The following AFAP1 variants were observed in gnomAD, a reference collection of about 807,000 sequenced individuals.
AFAP1 encodes actin filament-associated protein 1.
AFAP1 carries 75 observed loss-of-function variants against 93.9 expected under a neutral mutation model. The ratio of observed to expected loss-of-function variants is 0.80; its 90% CI spans 0.66 to 0.97. The LOEUF (loss-of-function observed/expected upper bound fraction) is 0.97. Ranked by LOEUF, AFAP1 falls within the 50% of genes least tolerant of loss-of-function variation. The pLI is 0.00. For synonymous variants in AFAP1, 517 were observed against 430.7 expected, an observed-to-expected ratio of 1.20 and a Z score of -2.48; for missense variants, 1,201 against 1,050.8, an observed-to-expected ratio of 1.14 and a Z score of -1.98.
At chr4:7,913,208 G>A (rs1389903455) in intron 1 of AFAP1, among the ~76,000 whole-genome samples, 2 of 152,220 alleles carry the variant, frequency 1.3e-5, no homozygotes, top group African/African-American at 2.4e-5. Context: ...GAGCAACACA[G>A]GGAGGCCCTG....
intron 1 of AFAP1, among the ~76,000 whole-genome samples, chr4:7,926,896 C>T (rs1005788805): frequency 3.9e-5 from 6 of 152,170 alleles, no homozygotes; most frequent in African/African-American, 1.4e-4. Context: ...CCACCATGCC[C>T]AGCTAATTTT....
chr4:7,809,653 C>T lies in AFAP1; in HGVS notation c.1015G>A (p.Glu339Lys). Reference sequence around the variant, plus strand: ...TCTTCCTCAGCTGAGGAGGTCTGCTCGTCTGTGGACGGCTTTTTCTTTCCC... The same window carrying T: ...TCTTCCTCAGCTGAGGAGGTCTGCTTGTCTGTGGACGGCTTTTTCTTTCCC... ...SLGKKKPSTD[E>K]QTSSAEEDVP... is the part of the protein sequence containing the mutation. Residue 339 changes from glutamate (E) to lysine (K), a missense_variant, in exon 9 of 18, where the codon GAG (glutamate) becomes AAG (lysine). Coordinates refer to ENST00000420658, the MANE Select transcript of AFAP1 (RefSeq NM_001134647.2). 3 of 1,613,996 alleles carry T rather than the reference C, an allele frequency of 1.9e-6. No homozygotes were observed. Among genetic ancestry groups the T allele is most frequent in the Non-Finnish European group, 2.5e-6 (3 of 1,179,988 alleles).
In AFAP1 at chr4:7,939,561, C is replaced by A. The variant is rs1403548367; in HGVS notation, c.-3+95G>T. On this transcript the variant is annotated intron_variant, in intron 1 of 17. Transcript: ENST00000420658. This position sits in a 1 kb window ranked among gnomAD's most constrained non-coding sequence, Gnocchi z 5.6. ...CCGAGACAAAGCCCAGGCGCACGGA[C>A]CCCGGACCCTGCGGAGCCCCGCTCG... The A allele has an allele frequency of 5.2e-6, 2 of 385,900 alleles. No homozygotes were observed. Among genetic ancestry groups the A allele is most frequent in the Admixed American group, 6.4e-5 (2 of 31,366 alleles). The allele number at this position is 385,900 out of a possible 1,614,324, so 23.9% of individuals were successfully genotyped here.
rs551237239 is a variant in AFAP1 at position 7,832,035 on chromosome 4, C to T, written c.726+6489G>A. Among the ~76,000 whole-genome samples the T allele has an allele frequency of 2.6e-5, 4 of 152,104 alleles. No homozygotes were observed. The South Asian group carries it at 6.2e-4, about 24-fold the overall frequency. On this transcript the variant is annotated intron_variant, in intron 6 of 17. Coordinates refer to ENST00000420658, the MANE Select transcript of AFAP1 (RefSeq NM_001134647.2). Reference sequence around the variant, plus strand: ...GCTATGGATCATGGTAGCACTTCGCCCACCTGAGACTCAGGCTGTCAGCTG... The same window carrying T: ...GCTATGGATCATGGTAGCACTTCGCTCACCTGAGACTCAGGCTGTCAGCTG...
At chr4:7,784,229 C>T (rs531127502) in intron 12 of AFAP1, among the ~76,000 whole-genome samples, 22 of 152,208 alleles carry the variant, frequency 1.4e-4, no homozygotes, top group African/African-American at 5.1e-4. Context: ...ACCTGATACC[C>T]CTCCGCCTAA....
chr4:7,872,029 T>C lies in AFAP1; in HGVS notation c.50A>G (p.His17Arg). Residue 17 changes from histidine to arginine, a missense_variant, in exon 2 of 18, where the codon CAT (histidine) becomes CGT (arginine). Transcript: ENST00000420658. ...ELRLFLELLDHEYLTSTVREK... is the reference protein window; with the variant it reads ...ELRLFLELLDREYLTSTVREK... ...CCTGACAGTTGAGGTTAGATATTCA[T>C]GGTCCAGGAGTTCAAGAAAGAGACG... 1 of 1,614,158 alleles carries C rather than the reference T, an allele frequency of 6.2e-7. No individual in the cohort carries two copies.
In AFAP1 at chr4:7,760,087, C is replaced by T. The variant is rs931346469; in HGVS notation, c.*3678G>A. Reference sequence around the variant, plus strand: ...CTCACAACCCTACACCTAACCCCAGCTTCGACGCTGCCCTTTGAGTCCCGT... The same window carrying T: ...CTCACAACCCTACACCTAACCCCAGTTTCGACGCTGCCCTTTGAGTCCCGT... On this transcript the variant is annotated 3_prime_UTR_variant, in exon 18 of 18. Coordinates refer to ENST00000420658, the MANE Select transcript of AFAP1 (RefSeq NM_001134647.2). 6.6e-6 allele frequency: 1 copy of T among 152,234 alleles called. No homozygotes were observed. The highest frequency in any genetic ancestry group is 1.5e-5 in the Non-Finnish European group (1 of 68,036). 9.4% of individuals were successfully genotyped at this position (152,234 alleles called of 1,614,324 possible). A position where few individuals can be genotyped will look rare whatever the true frequency, so the allele number is the denominator to read the frequency against.
Position 7,758,731 on chromosome 4 carries a change from T to C in AFAP1, c.*5034A>G, listed in dbSNP as rs1468082517. 6.6e-6 allele frequency: 1 copy of C among 152,202 alleles called. No individual in the cohort carries two copies. The highest frequency in any genetic ancestry group is 1.5e-5 in the Non-Finnish European group (1 of 68,056). The allele number at this position is 152,202 out of a possible 1,614,324, so 9.4% of individuals were successfully genotyped here. Reference sequence around the variant, plus strand: ...ACCGGGGCTGGGGGAGAGAAGTTTATTCATACACAAAGGGGCACGCCAAGG... The same window carrying C: ...ACCGGGGCTGGGGGAGAGAAGTTTACTCATACACAAAGGGGCACGCCAAGG... On this transcript the variant is annotated 3_prime_UTR_variant, in exon 18 of 18. Coordinates refer to ENST00000420658, the MANE Select transcript of AFAP1 (RefSeq NM_001134647.2).
chr4:7,904,851 G>C (rs1719314336), intron 1 of AFAP1, among the ~76,000 whole-genome samples: 1 of 152,074 alleles, frequency 6.6e-6, no homozygotes, highest in South Asian at 2.1e-4. Context: ...TTACAGGCAT[G>C]AGCCACCACA....
At chr4:7,839,214 T>C (rs932679759) in intron 5 of AFAP1, among the ~76,000 whole-genome samples, 1 of 152,002 alleles carries the variant, frequency 6.6e-6, no homozygotes, top group Non-Finnish European at 1.5e-5. Flanking sequence ...CGTGTTCCTA[T>C]AGTCCCAGCT....
At chr4:7,920,474 T>G (rs2149236198) in intron 1 of AFAP1, among the ~76,000 whole-genome samples, 1 of 152,352 alleles carries the variant, frequency 6.6e-6, no homozygotes, top group East Asian at 1.9e-4. Context: ...CGACAAAAAC[T>G]AGTGGCCTTA....
chr4:7,846,111 T>C (rs1173353339), intron 4 of AFAP1, among the ~76,000 whole-genome samples: 5 of 152,198 alleles, frequency 3.3e-5, no homozygotes, highest in Admixed American at 1.3e-4. Context: ...CAGGGGGTCC[T>C]TTCAGCTTCT....
At chr4:7,766,948 G>A (rs561642352) in intron 17 of AFAP1, among the ~76,000 whole-genome samples, 5 of 152,086 alleles carry the variant, frequency 3.3e-5, no homozygotes, top group East Asian at 1.9e-4. Context: ...CGGGCATAGC[G>A]CTTCCCACAT....
chr4:7,827,853 C>A (rs982785494), intron 6 of AFAP1, among the ~76,000 whole-genome samples: 11 of 152,090 alleles, frequency 7.2e-5, no homozygotes, highest in African/African-American at 2.7e-4. Context: ...CTCATCCGAG[C>A]GAGGGAGAAA....
In AFAP1 at chr4:7,887,974, G is replaced by A. The variant is rs77231971; in HGVS notation, c.-2-15894C>T. On this transcript the variant is annotated intron_variant, in intron 1 of 17. Coordinates refer to ENST00000420658, the MANE Select transcript of AFAP1 (RefSeq NM_001134647.2). ...CCCAAGTAGCTGGGATTACAGGCAC[G>A]CGCCACCACGCCCGGCTAAGTTTTG... Among the ~76,000 whole-genome samples the A allele has an allele frequency of 5.4e-4, 82 of 152,134 alleles. 1 individual carries two copies. The highest frequency in any genetic ancestry group is 1.9e-3 in the East Asian group (10 of 5,154).
At chr4:7,887,897 G>A (rs1718223817) in intron 1 of AFAP1, among the ~76,000 whole-genome samples, 1 of 151,798 alleles carries the variant, frequency 6.6e-6, no homozygotes, top group Admixed American at 6.6e-5. Context: ...CACAATCTCA[G>A]CTCACCATAA....
intron 8 of AFAP1, 87 bp downstream of exon 8, chr4:7,815,931 C>G: frequency 3.3e-6 from 4 of 1,221,070 alleles, no homozygotes; most frequent in Non-Finnish European, 4.6e-6. Flanking sequence ...ATTTTTCGTA[C>G]AATCAGACTT....
intron 4 of AFAP1, among the ~76,000 whole-genome samples, chr4:7,850,897 G>A (rs887716106): frequency 6.6e-6 from 1 of 152,190 alleles, no homozygotes; most frequent in Admixed American, 6.5e-5. Flanking sequence ...TGCGCTTCAC[G>A]GCCAGCTTTC....
chr4:7,784,285 T>C (rs1051675964), intron 12 of AFAP1, among the ~76,000 whole-genome samples: 4 of 152,090 alleles, frequency 2.6e-5, no homozygotes, highest in Admixed American at 6.5e-5. Flanking sequence ...GATGGGATCC[T>C]AAAGTGGCTC....
Sources: allele counts gnomAD v4.1 joint callset (sites outside exome capture counted in the v4.1 genomes callset), GRCh38; gene constraint gnomAD v4.1.1; non-coding constraint Gnocchi (gnomAD v3.1); transcripts MANE v1.5; gene names NCBI Gene and HGNC (gene_info 2026-07-23, HGNC 2026-07-21).